Variants in TSTD2 observed in about 807,000 individuals in gnomAD.
The protein encoded by TSTD2 is thiosulfate sulfurtransferase like domain containing 2, also known as thiosulfate sulfurtransferase/rhodanese-like domain-containing protein 2.
In TSTD2, 37 loss-of-function variants were observed where a neutral mutation model predicts 47.9. The ratio of observed to expected loss-of-function variants is 0.77; its 90% CI spans 0.59 to 1.02. The LOEUF (loss-of-function observed/expected upper bound fraction) is 1.02, where lower values mean the gene tolerates loss of function less well. Among genes scored for constraint, TSTD2 ranks in the 50% least tolerant of loss-of-function variants. TSTD2 has a pLI of 0.00. For missense variants in TSTD2, 586 were observed against 616.0 expected (o/e 0.95, Z 0.52); for synonymous variants, 201 against 215.9 (o/e 0.93, Z 0.61).
chr9:97,626,644 A>G (rs893935157), intron 2 of TSTD2, among the ~76,000 whole-genome samples: 38 of 152,320 alleles, frequency 2.5e-4, no homozygotes, highest in African/African-American at 9.1e-4. Flanking sequence ...TGTTTCTAAT[A>G]TTTGCAATTA....
rs1001855614 is a variant in TSTD2, at chr9:97,617,646, CTT to C, written c.603+109_603+110del. 1.8e-4 allele frequency: 241 copies of C among 1,367,388 alleles called. No homozygotes were observed. In the Middle Eastern group the frequency reaches 2.4e-3, roughly 13 times the overall value. 84.7% of individuals were successfully genotyped at this position (1,367,388 alleles called of 1,614,324 possible). ...TAAATGCTCAGCAGAATTTCCCTAA[CTT>C]TTAAGAACTCAACAGTGAATCTTTT... On this transcript the variant is annotated intron_variant, in intron 4 of 9. Transcript: ENST00000341170.
rs1826352869 is a variant in TSTD2, at chr9:97,605,625, C to T, written c.971G>A (p.Cys324Tyr). The T allele has an allele frequency of 6.2e-7, 1 of 1,614,128 alleles. No homozygotes were observed. Among genetic ancestry groups the T allele is most frequent in the South Asian group, 1.1e-5 (1 of 91,090 alleles). ...YESKIGRFQG[C>Y]LAPDIRKFSY... The stretch of plus-strand genomic sequence containing the variant: ...GAATTTCCTGATGTCTGGGGCTAAG[C>T]AGCCTTGGAATCGTCCCTGTAACAT... Residue 324 changes from cysteine (C) to tyrosine (Y), a missense_variant, in exon 8 of 10, where the codon TGC (cysteine) becomes TAC (tyrosine). Physicochemically the swap from Cys to Tyr is radical, Grantham distance 194. Transcript: ENST00000341170.
rs755082353 is a variant in TSTD2 at position 97,610,392 on chromosome 9, G to T, written c.789C>A (p.Ile263=). 3.7e-6 allele frequency: 6 copies of T among 1,600,862 alleles called. No homozygotes were observed. In the South Asian group the frequency reaches 5.6e-5, roughly 15 times the overall value. The change falls in exon 6 of 10, where the codon ATC becomes ATA. Residue 263 remains isoleucine (I), a synonymous_variant. Transcript: ENST00000341170. ...TTTTGGGGCTGATCCCCATGGGCAC[G>T]ATTTCTTCAAATACACCAACACGCA... The part of the protein sequence containing the change: ...PELRVGVFEE[I]VPMGISPKKI...
At chr9:97,603,101 A>G in intron 9 of TSTD2, 1 of 233,376 alleles carries the variant, frequency 4.3e-6, no homozygotes, top group Non-Finnish European at 8.9e-6. Context: ...CTACCTCCCA[A>G]CCCCCTTGTT....
chr9:97,600,213 G>A lies in TSTD2; in HGVS notation c.*2256C>T. Reference sequence around the variant, plus strand: ...ATTAAAGTTGCCAAATTGATTACTGGATCCAGAACACAATTTTCCCCTCAG... The same window carrying A: ...ATTAAAGTTGCCAAATTGATTACTGAATCCAGAACACAATTTTCCCCTCAG... On this transcript the variant is annotated 3_prime_UTR_variant, in exon 10 of 10. Coordinates refer to ENST00000341170, the MANE Select transcript of TSTD2 (RefSeq NM_139246.5). The A allele has an allele frequency of 1.0e-6, 1 of 994,418 alleles. No homozygotes were observed. Among genetic ancestry groups the A allele is most frequent in the East Asian group, 1.1e-4 (1 of 9,494 alleles). 61.6% of individuals were successfully genotyped at this position (994,418 alleles called of 1,614,324 possible). A position where few individuals can be genotyped will look rare whatever the true frequency, so the allele number is the denominator to read the frequency against.
intron 3 of TSTD2, among the ~76,000 whole-genome samples, chr9:97,622,907 C>T (rs1056814082): frequency 6.6e-5 from 10 of 152,232 alleles, no homozygotes; most frequent in African/African-American, 2.2e-4. Flanking sequence ...TTTTAACAGG[C>T]TCATAGGCAG....
intron 7 of TSTD2, 39 bp from the exon 8 acceptor site, chr9:97,605,680 A>G (rs1564005966): frequency 3.7e-6 from 6 of 1,613,420 alleles, no homozygotes; most frequent in African/African-American, 1.3e-5. Context: ...TTATCAGAAA[A>G]ACATACCTGG....
At chr9:97,626,022 C>A in intron 2 of TSTD2, 25 bp from the exon 3 acceptor site, 1 of 1,584,850 alleles carries the variant, frequency 6.3e-7, no homozygotes, top group South Asian at 1.2e-5. Context: ...CAAATGCTAA[C>A]ACTGTTAAAT....
At chr9:97,606,068 C>A in intron 7 of TSTD2, 75 bp downstream of exon 7, 1 of 1,118,278 alleles carries the variant, frequency 8.9e-7, no homozygotes, top group Non-Finnish European at 1.3e-6. Flanking sequence ...CACAAGGTCC[C>A]CTTGGGAAAT....
Position 97,627,563 on chromosome 9 carries a change from CTGGTT to C in TSTD2, c.-6_-2del. ...GGTCTGGTGAAGTGGAAGAAGGCAT[CTGGTT>C]TGGTTGCAACAGTGAAGCAGATATT... On this transcript the variant is annotated 5_prime_UTR_variant, in exon 2 of 10. Coordinates refer to ENST00000341170, the MANE Select transcript of TSTD2 (RefSeq NM_139246.5). The C allele has an allele frequency of 6.2e-7, 1 of 1,602,640 alleles. No individual in the cohort carries two copies. Among genetic ancestry groups the C allele is most frequent in the Non-Finnish European group, 8.5e-7 (1 of 1,172,756 alleles).
chr9:97,627,800 T>C (rs922195925), intron 1 of TSTD2, among the ~76,000 whole-genome samples, 188 bp from the exon 2 acceptor site: 8 of 152,258 alleles, frequency 5.3e-5, no homozygotes, highest in African/African-American at 1.4e-4. Context: ...ACTGAGAATA[T>C]AGCAGTAAAC....
chr9:97,631,018 T>C (rs1468267892), intron 1 of TSTD2, among the ~76,000 whole-genome samples: 1 of 152,224 alleles, frequency 6.6e-6, no homozygotes, highest in Non-Finnish European at 1.5e-5. Context: ...CAGTCTTCCT[T>C]ATCTGAGTAA....
Position 97,600,273 on chromosome 9 carries a change from C to T in TSTD2, c.*2196G>A. 2 of 986,392 alleles carry T rather than the reference C, an allele frequency of 2.0e-6. No individual in the cohort carries two copies. Among genetic ancestry groups the T allele is most frequent in the Non-Finnish European group, 1.2e-6 (1 of 830,380 alleles). The allele number at this position is 986,392 out of a possible 1,614,324, so 61.1% of individuals were successfully genotyped here. A position where few individuals can be genotyped will look rare whatever the true frequency, so the allele number is the denominator to read the frequency against. On this transcript the variant is annotated 3_prime_UTR_variant, in exon 10 of 10. Transcript: ENST00000341170. ...ACAGACTGAAGCCACTGAACTCTGCCAGGAGTCAACATGAGATTCCTTTTG... is the reference window on the plus strand; with the variant it reads ...ACAGACTGAAGCCACTGAACTCTGCTAGGAGTCAACATGAGATTCCTTTTG...
intron 1 of TSTD2, among the ~76,000 whole-genome samples, chr9:97,629,658 G>A (rs990296091): frequency 3.3e-5 from 5 of 152,158 alleles, no homozygotes; most frequent in African/African-American, 1.2e-4. Flanking sequence ...AAGCCTTCCA[G>A]GCAGAAGTAA....
chr9:97,617,875 C>G lies in TSTD2; in HGVS notation c.485G>C (p.Gly162Ala), dbSNP rs371404548. Reference sequence around the variant, plus strand: ...CACCTCCCCTTCTTCACTGCCCTGGCCACTATAAAATGAAAATCCAAGGCA... The same window carrying G: ...CACCTCCCCTTCTTCACTGCCCTGGGCACTATAAAATGAAAATCCAAGGCA... The part of the protein sequence containing the change: ...SCFNPDELIS[G>A]QGSEEGEVLL... The change falls in exon 4 of 10, where the codon GGC (glycine) becomes GCC (alanine). Residue 162 changes from glycine to alanine, a missense_variant and splice_region_variant. Physicochemically the swap from Gly to Ala is moderately conservative, Grantham distance 60 (BLOSUM62 0). Transcript: ENST00000341170. 11 of 1,607,154 alleles carry G rather than the reference C, an allele frequency of 6.8e-6. No homozygotes were observed. The African/African-American group carries it at 9.4e-5, about 14-fold the overall frequency.
chr9:97,611,205 G>A (rs879909995), intron 5 of TSTD2: 7 of 174,316 alleles, frequency 4.0e-5, no homozygotes, highest in Admixed American at 3.8e-4. Context: ...GGAGGCTGAC[G>A]TGGGAGGACT....
chr9:97,603,763 G>C (rs1298018705), intron 9 of TSTD2, among the ~76,000 whole-genome samples: 1 of 152,158 alleles, frequency 6.6e-6, no homozygotes, highest in Non-Finnish European at 1.5e-5. Context: ...ACAGTGGCAT[G>C]ATTTAAACTC....
At chr9:97,619,461 G>A (rs772023326) in intron 3 of TSTD2, among the ~76,000 whole-genome samples, 18 of 151,920 alleles carry the variant, frequency 1.2e-4, no homozygotes, top group Non-Finnish European at 2.2e-4. Flanking sequence ...CCTTTATGAC[G>A]AACCATTTAA....
At chr9:97,616,194 A>T (rs1826538742) in intron 4 of TSTD2, among the ~76,000 whole-genome samples, 1 of 152,190 alleles carries the variant, frequency 6.6e-6, no homozygotes, top group South Asian at 2.1e-4. Context: ...CCAAGGAGAG[A>T]AAAGAACTCG....
Sources: gnomAD v4.1 joint callset for allele counts (sites outside exome capture counted in the v4.1 genomes callset) on GRCh38, gnomAD v4.1.1 for gene constraint, MANE v1.5 for transcripts, NCBI Gene and HGNC (gene_info 2026-07-23, HGNC 2026-07-21) for gene names.